Variants in PRRX2 observed in about 807,000 individuals in gnomAD.
PRRX2 encodes the protein paired related homeobox 2.
In PRRX2, 11 loss-of-function variants were observed where a neutral mutation model predicts 18.0. The ratio of observed to expected loss-of-function variants is 0.61; its 90% CI spans 0.39 to 1.01. The LOEUF (loss-of-function observed/expected upper bound fraction) is 1.01, where lower values mean the gene tolerates loss of function less well. PRRX2 is among the 50% of genes least tolerant of loss of function. PRRX2 has a pLI of 0.01. For synonymous variants in PRRX2, 177 were observed against 154.8 expected, an observed-to-expected ratio of 1.14 and a Z score of -1.06; for missense variants, 387 against 351.0, an observed-to-expected ratio of 1.10 and a Z score of -0.82.
Position 129,675,274 on chromosome 9 carries a change from A to T in PRRX2, c.259+9148A>T, listed in dbSNP as rs1011310083. On this transcript the variant is annotated intron_variant, in intron 1 of 3. Transcript: ENST00000372469. The surrounding 1 kb of genome is among the most constrained non-coding windows in gnomAD (Gnocchi z 4.4). ...AGGAAGTATTTGCTCTCGACCATCCACCAGCATCCATTGAGCACCTACTGA... is the reference window on the plus strand; with the variant it reads ...AGGAAGTATTTGCTCTCGACCATCCTCCAGCATCCATTGAGCACCTACTGA... Among the ~76,000 whole-genome samples the T allele has an allele frequency of 3.9e-5, 6 of 152,164 alleles. No homozygotes were observed. Among genetic ancestry groups the T allele is most frequent in the Non-Finnish European group, 8.8e-5 (6 of 68,010 alleles).
At chr9:129,719,538 G>A in intron 2 of PRRX2, 120 bp downstream of exon 2, 1 of 1,252,584 alleles carries the variant, frequency 8.0e-7, no homozygotes, top group Non-Finnish European at 1.0e-6. Flanking sequence ...CTGAGGCCAG[G>A]AGGACGGGGG....
chr9:129,666,458 C>T (rs1564361980), intron 1 of PRRX2, among the ~76,000 whole-genome samples: 1 of 152,174 alleles, frequency 6.6e-6, no homozygotes, highest in Non-Finnish European at 1.5e-5. Flanking sequence ...TCGGGCAAAG[C>T]CGCTGAGCTG....
chr9:129,712,220 T>G (rs1235345269), intron 1 of PRRX2, among the ~76,000 whole-genome samples: 1 of 152,196 alleles, frequency 6.6e-6, no homozygotes, highest in African/African-American at 2.4e-5. Context: ...GAGGGCTGCT[T>G]ATTTGCTCAG....
intron 1 of PRRX2, among the ~76,000 whole-genome samples, chr9:129,699,770 T>C (rs1832471850): frequency 6.6e-6 from 1 of 152,206 alleles, no homozygotes; most frequent in Non-Finnish European, 1.5e-5. Flanking sequence ...GGATGAATTC[T>C]TTCCTTGGGC....
chr9:129,690,888 G>A (rs1206690068), intron 1 of PRRX2, among the ~76,000 whole-genome samples: 1 of 152,134 alleles, frequency 6.6e-6, no homozygotes, highest in Non-Finnish European at 1.5e-5. Context: ...GTAAGGATGA[G>A]AGGAGAGAGG....
At chr9:129,719,464 G>A (rs1181701398) in intron 2 of PRRX2, 46 bp downstream of exon 2, 4 of 1,445,832 alleles carry the variant, frequency 2.8e-6, no homozygotes, top group South Asian at 1.4e-5. Context: ...GCGCGTGGGA[G>A]CGCACAGCCA....
chr9:129,686,769 C>T (rs535835001), intron 1 of PRRX2, among the ~76,000 whole-genome samples: 4 of 152,296 alleles, frequency 2.6e-5, no homozygotes, highest in South Asian at 2.1e-4. Context: ...CTGCAGCCTC[C>T]GGATTCGCCC....
At chr9:129,691,323 G>A (rs1021110915) in intron 1 of PRRX2, among the ~76,000 whole-genome samples, 26 of 151,256 alleles carry the variant, frequency 1.7e-4, no homozygotes, top group Middle Eastern at 3.4e-3. Context: ...ATGACAAAGC[G>A]ACTCTGTCAA....
At position 129,715,750 on chromosome 9, in the gene PRRX2, T is replaced by TCACACACA. The variant is rs58405360; in HGVS notation, c.260-3445_260-3438dup. Reference sequence around the variant, plus strand: ...AAACCCAGCTTCAGGGACATCTTTCTCACACACACACACACACACACACAC... The same window carrying TCACACACA: ...AAACCCAGCTTCAGGGACATCTTTCTCACACACACACACACACACACACACACACACAC... On this transcript the variant is annotated intron_variant, in intron 1 of 3. Coordinates refer to ENST00000372469, the MANE Select transcript of PRRX2 (RefSeq NM_016307.4). This position sits in a 1 kb window ranked among gnomAD's most constrained non-coding sequence, Gnocchi z 4.0. 2.9e-3 allele frequency among the ~76,000 whole-genome samples: 409 copies of TCACACACA among 138,940 alleles called. 3 individuals are homozygous for TCACACACA. The highest frequency in any genetic ancestry group is 5.8e-3 in the Admixed American group (80 of 13,682). The allele number at this position is 138,940 out of a possible 152,430, so 91.2% of individuals were successfully genotyped here. A position where few individuals can be genotyped will look rare whatever the true frequency, so the allele number is the denominator to read the frequency against.
intron 1 of PRRX2, among the ~76,000 whole-genome samples, chr9:129,684,532 A>ACACAC (rs1165343797): frequency 7.1e-6 from 1 of 140,282 alleles, no homozygotes; most frequent in Non-Finnish European, 1.5e-5. Flanking sequence ...ACCCACACAC[A>ACACAC]CCCCAACAGA....
At chr9:129,705,978 C>T (rs1306501062) in intron 1 of PRRX2, among the ~76,000 whole-genome samples, 3 of 152,180 alleles carry the variant, frequency 2.0e-5, no homozygotes, top group Non-Finnish European at 4.4e-5. Context: ...CACCTCACTC[C>T]TCACCCCCTG....
intron 1 of PRRX2, among the ~76,000 whole-genome samples, chr9:129,683,195 C>A (rs1045709872): frequency 2.6e-5 from 4 of 152,192 alleles, no homozygotes; most frequent in Admixed American, 1.3e-4. Flanking sequence ...TCAGGAACCC[C>A]TCCTGGGACT....
At chr9:129,701,934 A>G (rs1389625029) in intron 1 of PRRX2, among the ~76,000 whole-genome samples, 3 of 151,992 alleles carry the variant, frequency 2.0e-5, no homozygotes, top group African/African-American at 7.3e-5. Flanking sequence ...CCCCATCCAT[A>G]CTAAAAATAC....
At chr9:129,677,598 G>A (rs1252358386) in intron 1 of PRRX2, among the ~76,000 whole-genome samples, 4 of 152,366 alleles carry the variant, frequency 2.6e-5, no homozygotes, top group Admixed American at 6.5e-5. Context: ...ACACTGGGCC[G>A]TGGCATGGTC....
At chr9:129,668,186 C>T (rs578030115) in intron 1 of PRRX2, among the ~76,000 whole-genome samples, 43 of 152,352 alleles carry the variant, frequency 2.8e-4, no homozygotes, top group Admixed American at 2.4e-3. Context: ...GTTTCCAACT[C>T]ATCCATCTGG....
chr9:129,711,921 T>C (rs912224433), intron 1 of PRRX2, among the ~76,000 whole-genome samples: 9 of 152,188 alleles, frequency 5.9e-5, no homozygotes, highest in African/African-American at 2.2e-4. Flanking sequence ...AGGCAGTGGC[T>C]AAGGATGTGG....
rs1262774080 is a variant in PRRX2, at chr9:129,671,335, C to CA, written c.259+5210dup. 2.0e-5 allele frequency among the ~76,000 whole-genome samples: 3 copies of CA among 152,188 alleles called. No homozygotes were observed. The highest frequency in any genetic ancestry group is 4.4e-5 in the Non-Finnish European group (3 of 68,040). On this transcript the variant is annotated intron_variant, in intron 1 of 3. Coordinates refer to ENST00000372469, the MANE Select transcript of PRRX2 (RefSeq NM_016307.4). This position sits in a 1 kb window ranked among gnomAD's most constrained non-coding sequence, Gnocchi z 4.0. ...GCCTGCATCTCGGCCTTCTTTTCGC[C>CA]AGGGAGGGTTGGTTCATTATTTGTG...
intron 2 of PRRX2, 48 bp downstream of exon 2, chr9:129,719,466 G>C: frequency 6.9e-7 from 1 of 1,440,692 alleles, no homozygotes; most frequent in Non-Finnish European, 9.1e-7. Context: ...GCGTGGGAGC[G>C]CACAGCCACT....
In PRRX2 at chr9:129,705,464, C is replaced by T. The variant is rs1414273296; in HGVS notation, c.260-13767C>T. On this transcript the variant is annotated intron_variant, in intron 1 of 3. Coordinates refer to ENST00000372469, the MANE Select transcript of PRRX2 (RefSeq NM_016307.4). ...CCGCCTCCCGGGTTCAAGCAATTCT[C>T]CTGCCTCAGCCTCCCGGGTAGCTGG... Among the ~76,000 whole-genome samples the T allele has an allele frequency of 2.6e-5, 4 of 152,272 alleles. No individual in the cohort carries two copies. In the East Asian group the frequency reaches 7.8e-4, roughly 30 times the overall value.
Sources: allele counts gnomAD v4.1 joint callset (sites outside exome capture counted in the v4.1 genomes callset), GRCh38; gene constraint gnomAD v4.1.1; non-coding constraint Gnocchi (gnomAD v3.1); transcripts MANE v1.5; gene names NCBI Gene and HGNC (gene_info 2026-07-23, HGNC 2026-07-21).